The following NXPH1 variants were observed in gnomAD, a reference collection of about 807,000 sequenced individuals.
NXPH1 encodes neurexophilin-1.
In NXPH1, 5 loss-of-function variants were observed where a neutral mutation model predicts 23.7. The observed-to-expected ratio is 0.21, with a 90% CI of 0.11 to 0.44. NXPH1 has a LOEUF of 0.44. NXPH1 is among the 20% of genes least tolerant of loss of function. The pLI is 0.99. For missense variants in NXPH1, 324 were observed against 321.6 expected (o/e 1.01, Z -0.06); for synonymous variants, 144 against 122.2 (o/e 1.18, Z -1.18).
At chr7:8,618,069 A>C (rs1374160662) in intron 2 of NXPH1, among the ~76,000 whole-genome samples, 2 of 152,174 alleles carry the variant, frequency 1.3e-5, no homozygotes, top group African/African-American at 4.8e-5. Context: ...GGGCATGGGT[A>C]ACTAAACTGA....
chr7:8,488,328 A>G lies in NXPH1; in HGVS notation c.54+52561A>G, dbSNP rs112385540. On this transcript the variant is annotated intron_variant, in intron 2 of 2. Transcript: ENST00000405863. ...TGACCATAATGTGATCTGTCAGTTT[A>G]TAAATCATACATCCATTAGTTGTGA... Among the ~76,000 whole-genome samples the G allele has an allele frequency of 4.3e-3, 649 of 152,264 alleles. 4 individuals are homozygous for G. Among genetic ancestry groups the G allele is most frequent in the African/African-American group, 0.015 (609 of 41,562 alleles).
At chr7:8,637,119 A>T (rs943154130) in intron 2 of NXPH1, among the ~76,000 whole-genome samples, 1 of 152,106 alleles carries the variant, frequency 6.6e-6, no homozygotes, top group Non-Finnish European at 1.5e-5. Flanking sequence ...CAGCCTTTAC[A>T]CTTAAATCAA....
chr7:8,730,938 T>G (rs1036141754), intron 2 of NXPH1, among the ~76,000 whole-genome samples: 54 of 150,332 alleles, frequency 3.6e-4, no homozygotes, highest in African/African-American at 1.2e-3. Context: ...CAGAGTGTTT[T>G]CCAACTTGGT....
At chr7:8,569,968 T>C (rs1818614944) in intron 2 of NXPH1, among the ~76,000 whole-genome samples, 2 of 151,808 alleles carry the variant, frequency 1.3e-5, no homozygotes. Flanking sequence ...TGTAATGAGG[T>C]TTAAATATGA....
chr7:8,726,179 A>G (rs1418688734), intron 2 of NXPH1, among the ~76,000 whole-genome samples: 1 of 152,126 alleles, frequency 6.6e-6, no homozygotes. Context: ...CTGTATGTAT[A>G]TTATTAATAC....
intron 2 of NXPH1, among the ~76,000 whole-genome samples, chr7:8,573,369 G>A (rs1450266078): frequency 6.6e-6 from 1 of 151,992 alleles, no homozygotes; most frequent in East Asian, 1.9e-4. Context: ...GGAATTAAGG[G>A]TATAAAACGA....
At chr7:8,595,689 T>A (rs1233915603) in intron 2 of NXPH1, among the ~76,000 whole-genome samples, 1 of 151,960 alleles carries the variant, frequency 6.6e-6, no homozygotes, top group African/African-American at 2.4e-5. Context: ...ACTGACTATA[T>A]TTTAGTTGAG....
chr7:8,496,417 G>A (rs996911087), intron 2 of NXPH1, among the ~76,000 whole-genome samples: 2 of 151,992 alleles, frequency 1.3e-5, no homozygotes, highest in African/African-American at 4.8e-5. Flanking sequence ...TCATAATCTT[G>A]ACACTCTAAT....
At chr7:8,674,940 C>T (rs891289047) in intron 2 of NXPH1, among the ~76,000 whole-genome samples, 2 of 152,112 alleles carry the variant, frequency 1.3e-5, no homozygotes, top group African/African-American at 4.8e-5. Flanking sequence ...CTGGTGTAGA[C>T]AGCTCCAGAT....
rs560915279 is a variant in NXPH1 at position 8,718,171 on chromosome 7, CAA to C, written c.55-32835_55-32834del. The stretch of plus-strand genomic sequence containing the variant: ...ATTTATGCAGTTTTACTTACAGTGA[CAA>C]AGAGATATTTCTTTGAACATATTAT... On this transcript the variant is annotated intron_variant, in intron 2 of 2. Transcript: ENST00000405863. 1.5e-3 allele frequency among the ~76,000 whole-genome samples: 231 copies of C among 152,194 alleles called. 1 individual carries two copies. Among genetic ancestry groups the C allele is most frequent in the African/African-American group, 5.4e-3 (225 of 41,522 alleles).
intron 2 of NXPH1, among the ~76,000 whole-genome samples, chr7:8,670,257 T>C (rs1820848472): frequency 6.6e-6 from 1 of 152,212 alleles, no homozygotes; most frequent in South Asian, 2.1e-4. Context: ...TCCTTTGCTT[T>C]CTAGTCTAAT....
rs113680629 is a variant in NXPH1, at chr7:8,603,420, G to GTTT, written c.55-147583_55-147581dup. On this transcript the variant is annotated intron_variant, in intron 2 of 2. Coordinates refer to ENST00000405863, the MANE Select transcript of NXPH1 (RefSeq NM_152745.3). The stretch of plus-strand genomic sequence containing the variant: ...TATTGTTCTTACTATTTTTGTTTTT[G>GTTT]TTTTTTTGCTCAGCTGGACACATTG... 2.8e-3 allele frequency among the ~76,000 whole-genome samples: 425 copies of GTTT among 151,934 alleles called. 1 individual carries two copies. The highest frequency in any genetic ancestry group is 9.9e-3 in the African/African-American group (409 of 41,430).
chr7:8,454,196 A>T (rs1271481315), intron 2 of NXPH1, among the ~76,000 whole-genome samples: 1 of 152,128 alleles, frequency 6.6e-6, no homozygotes. Context: ...CATGACACCT[A>T]TGTAACAAAC....
intron 2 of NXPH1, among the ~76,000 whole-genome samples, chr7:8,521,872 A>T (rs573377218): frequency 1.3e-5 from 2 of 152,212 alleles, no homozygotes; most frequent in East Asian, 3.9e-4. Context: ...GATTTGAAGG[A>T]TATGGAGATT....
intron 2 of NXPH1, chr7:8,690,385 T>C (rs1194060996): frequency 6.6e-6 from 1 of 152,262 alleles, no homozygotes; most frequent in Non-Finnish European, 1.5e-5. Flanking sequence ...TCTTTCTATT[T>C]CTATCTTAAA....
chr7:8,559,345 T>G (rs1407086528), intron 2 of NXPH1, among the ~76,000 whole-genome samples: 1 of 151,730 alleles, frequency 6.6e-6, no homozygotes, highest in African/African-American at 2.4e-5. Flanking sequence ...TTCTGTCACC[T>G]CCCGAGTGTC....
chr7:8,516,227 G>A (rs538467045), intron 2 of NXPH1, among the ~76,000 whole-genome samples: 23 of 151,986 alleles, frequency 1.5e-4, no homozygotes, highest in South Asian at 2.1e-4. Flanking sequence ...CAGTTGGATC[G>A]TCTACTATAT....
At chr7:8,560,690 C>G (rs530393095) in intron 2 of NXPH1, among the ~76,000 whole-genome samples, 51 of 151,758 alleles carry the variant, frequency 3.4e-4, no homozygotes, top group African/African-American at 1.2e-3. Context: ...TCTCTTGGAT[C>G]AGCTTTTCTC....
chr7:8,629,595 T>G (rs909189978), intron 2 of NXPH1, among the ~76,000 whole-genome samples: 7 of 152,132 alleles, frequency 4.6e-5, no homozygotes, highest in African/African-American at 1.7e-4. Context: ...GTCATCGAGA[T>G]TACTAAAATT....
Sources: allele counts gnomAD v4.1 joint callset (sites outside exome capture counted in the v4.1 genomes callset), GRCh38; gene constraint gnomAD v4.1.1; transcripts MANE v1.5; gene names NCBI Gene and HGNC (gene_info 2026-07-23, HGNC 2026-07-21).